RIN2: variants seen among roughly 807,000 people sequenced by gnomAD.
The protein encoded by RIN2 is Ras and Rab interactor 2.
A neutral mutation model predicts 78.0 loss-of-function variants in RIN2; 36 were observed. The observed-to-expected ratio is 0.46, with a 90% CI of 0.35 to 0.61. The LOEUF (loss-of-function observed/expected upper bound fraction) is 0.61. Ranked by LOEUF, RIN2 falls within the 20% of genes least tolerant of loss-of-function variation. The probability of loss-of-function intolerance (pLI) is 0.00; values close to 1 mark genes in which losing one functional copy is unlikely to be tolerated. For missense variants in RIN2, 1,087 were observed against 1,159.7 expected (o/e 0.94, Z 0.91); for synonymous variants, 466 against 466.8 (o/e 1.00, Z 0.02).
chr20:19,789,170 G>T (rs900129392), intron 1 of RIN2, among the ~76,000 whole-genome samples: 10 of 152,152 alleles, frequency 6.6e-5, no homozygotes, highest in African/African-American at 2.2e-4. Flanking sequence ...GGGTGTGGAG[G>T]CGGGAGAAGA....
chr20:19,921,260 G>A (rs750982091), intron 3 of RIN2, among the ~76,000 whole-genome samples: 36 of 152,272 alleles, frequency 2.4e-4, no homozygotes, highest in Non-Finnish European at 2.8e-4. Context: ...GAAGAGAACC[G>A]CTGCCTCCTG....
intron 1 of RIN2, among the ~76,000 whole-genome samples, chr20:19,765,114 T>C (rs1001421270): frequency 6.6e-6 from 1 of 151,804 alleles, no homozygotes; most frequent in African/African-American, 2.4e-5. Context: ...CCTCCCAAAG[T>C]GCTGGGATTA....
At chr20:19,941,019 GC>G (rs1482269346) in intron 4 of RIN2, among the ~76,000 whole-genome samples, 2 of 152,182 alleles carry the variant, frequency 1.3e-5, no homozygotes, top group African/African-American at 2.4e-5. Flanking sequence ...CACTCCTGCT[GC>G]CACTTCGCTG....
chr20:19,973,987 A>C (rs923379397), intron 8 of RIN2, among the ~76,000 whole-genome samples: 1 of 152,178 alleles, frequency 6.6e-6, no homozygotes, highest in Non-Finnish European at 1.5e-5. Context: ...GAGGTTATAT[A>C]GGATTTGGGA....
chr20:19,783,766 G>A (rs556206527), intron 1 of RIN2, among the ~76,000 whole-genome samples: 2 of 152,192 alleles, frequency 1.3e-5, no homozygotes, highest in African/African-American at 2.4e-5. Flanking sequence ...TATCCCACGA[G>A]GGGTGGAGGT....
At chr20:19,831,441 T>C (rs918049984) in intron 2 of RIN2, among the ~76,000 whole-genome samples, 4 of 152,118 alleles carry the variant, frequency 2.6e-5, no homozygotes, top group African/African-American at 7.2e-5. Flanking sequence ...AAAACAAATA[T>C]TGTAAAATGT....
intron 3 of RIN2, among the ~76,000 whole-genome samples, chr20:19,907,609 T>C (rs2039273481): frequency 1.3e-5 from 2 of 152,232 alleles, no homozygotes; most frequent in East Asian, 3.9e-4. Context: ...AACACTGAGC[T>C]CAGGAAGGAA....
intron 3 of RIN2, among the ~76,000 whole-genome samples, chr20:19,917,589 T>C (rs2039738081): frequency 6.6e-6 from 1 of 152,276 alleles, no homozygotes; most frequent in African/African-American, 2.4e-5. Flanking sequence ...TTGTTCTGTC[T>C]GTGATTCGAC....
chr20:19,834,662 T>C (rs6112599), intron 2 of RIN2, among the ~76,000 whole-genome samples: 7,544 of 152,312 alleles, frequency 0.05, 303 homozygotes, highest in African/African-American at 0.11. Context: ...GAAAATAGAA[T>C]GATCTTCGGT....
intron 2 of RIN2, among the ~76,000 whole-genome samples, chr20:19,815,243 C>T (rs1373567494): frequency 6.6e-6 from 1 of 152,134 alleles, no homozygotes; most frequent in Non-Finnish European, 1.5e-5. Context: ...ATTGAGAAAG[C>T]AATTTATGCT....
At chr20:19,967,308 T>A (rs997633436) in intron 7 of RIN2, among the ~76,000 whole-genome samples, 5 of 152,234 alleles carry the variant, frequency 3.3e-5, no homozygotes, top group African/African-American at 1.2e-4. Flanking sequence ...CAAGATTAAT[T>A]TCCCTGTCTG....
At chr20:19,875,817 G>A (rs1234122256) in intron 2 of RIN2, among the ~76,000 whole-genome samples, 4 of 152,158 alleles carry the variant, frequency 2.6e-5, no homozygotes, top group East Asian at 3.8e-4. Context: ...ACAGACAGTG[G>A]GGATGCACAG....
intron 2 of RIN2, among the ~76,000 whole-genome samples, chr20:19,827,940 C>G (rs181405652): frequency 1.8e-4 from 27 of 151,938 alleles, no homozygotes; most frequent in African/African-American, 6.3e-4. Flanking sequence ...GGCTTCTAGG[C>G]ATTATTCACA....
intron 3 of RIN2, among the ~76,000 whole-genome samples, chr20:19,901,029 A>G (rs2038960021): frequency 6.6e-6 from 1 of 151,736 alleles, no homozygotes; most frequent in Admixed American, 6.6e-5. Context: ...CTGCAGGATA[A>G]GGCCCAGCTC....
At chr20:19,766,510 C>T (rs995392330) in intron 1 of RIN2, among the ~76,000 whole-genome samples, 7 of 152,100 alleles carry the variant, frequency 4.6e-5, no homozygotes, top group African/African-American at 1.7e-4. Flanking sequence ...GGTACTTCAT[C>T]CTTTCCTGGG....
intron 2 of RIN2, among the ~76,000 whole-genome samples, chr20:19,856,475 A>G (rs542807767): frequency 2.0e-5 from 3 of 151,146 alleles, no homozygotes; most frequent in Admixed American, 6.6e-5. Context: ...CAAGACTACA[A>G]TGAGTCACGA....
At chr20:19,913,212 A>G (rs1191463658) in intron 3 of RIN2, among the ~76,000 whole-genome samples, 4 of 151,874 alleles carry the variant, frequency 2.6e-5, no homozygotes, top group Non-Finnish European at 4.4e-5. Context: ...CGTTGTTCAC[A>G]CTGTAGCTCT....
intron 1 of RIN2, among the ~76,000 whole-genome samples, chr20:19,762,248 G>A (rs532319629): frequency 2.0e-5 from 3 of 152,160 alleles, no homozygotes; most frequent in Non-Finnish European, 4.4e-5. Context: ...TCAATCTACT[G>A]TTAGAGCACC....
intron 2 of RIN2, among the ~76,000 whole-genome samples, chr20:19,827,413 A>T (rs1349376396): frequency 2.6e-5 from 4 of 152,240 alleles, no homozygotes; most frequent in Non-Finnish European, 5.9e-5. Context: ...CTTGCAAAGA[A>T]TTCCAAGAGC....
Sources: allele counts gnomAD v4.1 joint callset (sites outside exome capture counted in the v4.1 genomes callset), GRCh38; gene constraint gnomAD v4.1.1; transcripts MANE v1.5; gene names NCBI Gene and HGNC (gene_info 2026-07-23, HGNC 2026-07-21).